Variants in RBFOX1 observed in about 807,000 individuals in gnomAD.
RBFOX1 encodes RNA binding protein fox-1 homolog 1.
Under a neutral mutation model 57.7 loss-of-function variants are expected in RBFOX1, and 8 were observed. That is an observed-to-expected ratio of 0.14 (90% CI 0.08 to 0.25). RBFOX1 has a LOEUF of 0.25. Among genes scored for constraint, RBFOX1 ranks in the 10% least tolerant of loss-of-function variants. The pLI is 1.00. For missense variants in RBFOX1, 611 were observed against 548.5 expected, an observed-to-expected ratio of 1.11 and a Z score of -1.14; for synonymous variants, 326 against 222.4, an observed-to-expected ratio of 1.47 and a Z score of -4.15.
At chr16:6,171,216 A>T (rs556737337) in intron 1 of RBFOX1, among the ~76,000 whole-genome samples, 1 of 152,302 alleles carries the variant, frequency 6.6e-6, no homozygotes, top group African/African-American at 2.4e-5. Flanking sequence ...AACAGGTAAA[A>T]CATATGTGGG....
intron 4 of RBFOX1, among the ~76,000 whole-genome samples, chr16:7,259,475 C>T (rs1378110465): frequency 2.6e-5 from 4 of 151,432 alleles, no homozygotes; most frequent in Non-Finnish European, 5.9e-5. Context: ...CAGCCATTTG[C>T]ATTTAATGGT....
At chr16:5,460,258 C>G (rs1461944220) in intron 1 of RBFOX1, among the ~76,000 whole-genome samples, 3 of 152,188 alleles carry the variant, frequency 2.0e-5, no homozygotes, top group Non-Finnish European at 2.9e-5. Context: ...CTTTTGCAAC[C>G]CTCAGACCTT....
chr16:6,078,421 T>A (rs2095943875), intron 1 of RBFOX1, among the ~76,000 whole-genome samples: 1 of 151,880 alleles, frequency 6.6e-6, no homozygotes. Context: ...TTTTTTTTTT[T>A]AGCTCATCAG....
chr16:7,705,168 A>G (rs1257438197), intron 14 of RBFOX1, among the ~76,000 whole-genome samples: 3 of 152,178 alleles, frequency 2.0e-5, no homozygotes, highest in Admixed American at 6.5e-5. Flanking sequence ...GCAAGTGCCA[A>G]GACTAAGCAG....
chr16:6,651,691 C>A (rs2098597320), intron 2 of RBFOX1, among the ~76,000 whole-genome samples: 1 of 152,098 alleles, frequency 6.6e-6, no homozygotes, highest in Non-Finnish European at 1.5e-5. Flanking sequence ...TAGGGTTTGG[C>A]AATCTCACTT....
At chr16:5,274,098 C>G (rs1301558095) in intron 1 of RBFOX1, among the ~76,000 whole-genome samples, 2 of 152,186 alleles carry the variant, frequency 1.3e-5, no homozygotes, top group Non-Finnish European at 2.9e-5. Flanking sequence ...CGTAGAAGTG[C>G]ATTTTCTACT....
At chr16:6,817,497 C>A (rs1413993198) in intron 3 of RBFOX1, among the ~76,000 whole-genome samples, 6 of 147,966 alleles carry the variant, frequency 4.1e-5, no homozygotes, top group Non-Finnish European at 7.4e-5. Flanking sequence ...AGTTCGAGAC[C>A]AGCCTGGCCA....
At chr16:5,515,092 A>G (rs888169490) in intron 2 of RBFOX1, among the ~76,000 whole-genome samples, 1 of 152,208 alleles carries the variant, frequency 6.6e-6, no homozygotes, top group Non-Finnish European at 1.5e-5. Context: ...GAACTCATTT[A>G]TTACAGCAGA....
chr16:5,271,996 C>G (rs2063022572), intron 1 of RBFOX1, among the ~76,000 whole-genome samples: 1 of 152,160 alleles, frequency 6.6e-6, no homozygotes, highest in African/African-American at 2.4e-5. Flanking sequence ...ATCCTTTCAT[C>G]CACTGATGGA....
chr16:7,061,651 C>G (rs900534191), intron 4 of RBFOX1, among the ~76,000 whole-genome samples: 3 of 152,160 alleles, frequency 2.0e-5, no homozygotes, highest in African/African-American at 7.2e-5. Context: ...CCTATTATCC[C>G]CAGTCCTCAT....
At position 7,528,921 on chromosome 16, in the gene RBFOX1, A is replaced by G. The variant is rs567848157; in HGVS notation, c.270+10532A>G. ...GAGAGCCAAAGAGTTCATCTACGCTATCTTCTCGTTGCACATATTTAAAAA... is the reference window on the plus strand; with the variant it reads ...GAGAGCCAAAGAGTTCATCTACGCTGTCTTCTCGTTGCACATATTTAAAAA... On this transcript the variant is annotated intron_variant, in intron 5 of 15. Coordinates refer to ENST00000550418, the MANE Select transcript of RBFOX1 (RefSeq NM_018723.4). 6.0e-4 allele frequency among the ~76,000 whole-genome samples: 92 copies of G among 152,310 alleles called. 3 individuals are homozygous for G. In the South Asian group the frequency reaches 0.018, roughly 30 times the overall value.
chr16:6,805,570 A>T (rs746026104), intron 3 of RBFOX1, among the ~76,000 whole-genome samples: 1 of 149,884 alleles, frequency 6.7e-6, no homozygotes, highest in Non-Finnish European at 1.5e-5. Context: ...CAGTTATCAC[A>T]TTGAAAGGAA....
intron 1 of RBFOX1, among the ~76,000 whole-genome samples, chr16:5,419,042 A>T (rs2067239582): frequency 6.6e-6 from 1 of 152,206 alleles, no homozygotes. Context: ...TCACAGAGTC[A>T]GAGACCAGGC....
chr16:7,501,813 C>G (rs911634271), intron 4 of RBFOX1, among the ~76,000 whole-genome samples: 9 of 152,182 alleles, frequency 5.9e-5, no homozygotes, highest in Non-Finnish European at 8.8e-5. Flanking sequence ...TTTATCTTCT[C>G]TGGGCACATA....
At chr16:7,302,940 G>C (rs1405557824) in intron 4 of RBFOX1, among the ~76,000 whole-genome samples, 1 of 151,976 alleles carries the variant, frequency 6.6e-6, no homozygotes, top group African/African-American at 2.4e-5. Flanking sequence ...GGGCTGGACA[G>C]GCAAGAATAA....
chr16:6,374,961 G>A (rs896329413), intron 2 of RBFOX1, among the ~76,000 whole-genome samples: 12 of 152,194 alleles, frequency 7.9e-5, no homozygotes, highest in Admixed American at 5.9e-4. Flanking sequence ...ATTCGCCTGA[G>A]GAAGTGTGAA....
At chr16:6,884,763 T>C (rs535522006) in intron 3 of RBFOX1, among the ~76,000 whole-genome samples, 16 of 152,154 alleles carry the variant, frequency 1.1e-4, no homozygotes, top group Non-Finnish European at 2.2e-4. Context: ...CTAGGTGTGA[T>C]GGCACATACC....
intron 2 of RBFOX1, among the ~76,000 whole-genome samples, chr16:5,560,033 T>C (rs1182032925): frequency 6.6e-6 from 1 of 152,182 alleles, no homozygotes; most frequent in African/African-American, 2.4e-5. Flanking sequence ...CTCTTGTCTG[T>C]CTTATAACCT....
intron 4 of RBFOX1, among the ~76,000 whole-genome samples, chr16:5,890,893 G>A (rs1261804732): frequency 1.3e-5 from 2 of 152,034 alleles, no homozygotes; most frequent in East Asian, 3.9e-4. Context: ...ACAGATGTGG[G>A]CTCTTGTCTT....
Sources: gnomAD v4.1 joint callset for allele counts (sites outside exome capture counted in the v4.1 genomes callset) on GRCh38, gnomAD v4.1.1 for gene constraint, MANE v1.5 for transcripts, NCBI Gene and HGNC (gene_info 2026-07-23, HGNC 2026-07-21) for gene names.